Variants in LEO1 observed in about 807,000 individuals in gnomAD.
The protein encoded by LEO1 is RNA polymerase-associated protein LEO1.
In LEO1, 34 loss-of-function variants were observed where a neutral mutation model predicts 80.4. The ratio of observed to expected loss-of-function variants is 0.42; its 90% CI spans 0.32 to 0.56. The LOEUF (loss-of-function observed/expected upper bound fraction) is 0.56. Among genes scored for constraint, LEO1 ranks in the 20% least tolerant of loss-of-function variants. LEO1 has a pLI of 0.10. For synonymous variants in LEO1, 262 were observed against 274.9 expected, an observed-to-expected ratio of 0.95 and a Z score of 0.46; for missense variants, 631 against 814.2, an observed-to-expected ratio of 0.77 and a Z score of 2.74.
intron 3 of LEO1, among the ~76,000 whole-genome samples, chr15:51,961,325 C>T (rs2057028429): frequency 6.7e-6 from 1 of 149,414 alleles, no homozygotes; most frequent in South Asian, 2.1e-4. Flanking sequence ...CGGTAGAACT[C>T]CTTTCATCCT....
chr15:51,947,482 CAT>C, intron 10 of LEO1, 93 bp from the exon 11 acceptor site: 3 of 828,034 alleles, frequency 3.6e-6, no homozygotes, highest in Non-Finnish European at 5.9e-6. Flanking sequence ...GTGGCACAAT[CAT>C]GGCTCACTGC....
intron 6 of LEO1, 35 bp from the exon 7 acceptor site, chr15:51,954,610 G>C (rs1331427815): frequency 1.1e-5 from 15 of 1,381,416 alleles, no homozygotes; most frequent in Non-Finnish European, 1.5e-5. Context: ...GAAAATTATA[G>C]TTTAAATGAC....
intron 8 of LEO1, 131 bp from the exon 9 acceptor site, chr15:51,952,110 G>A (rs2056954089): frequency 3.1e-6 from 2 of 644,848 alleles, no homozygotes; most frequent in Non-Finnish European, 5.1e-6. Context: ...AGAGACACTC[G>A]ACTGAATATA....
At chr15:51,938,853 G>A (rs1364638033) in intron 11 of LEO1, among the ~76,000 whole-genome samples, 1 of 152,192 alleles carries the variant, frequency 6.6e-6, no homozygotes, top group Non-Finnish European at 1.5e-5. Context: ...GAACATGTCA[G>A]TATCTAAATA....
Position 51,949,948 on chromosome 15 carries a change from T to C in LEO1, c.1658A>G (p.Gln553Arg). 7 of 1,614,026 alleles carry C rather than the reference T, an allele frequency of 4.3e-6. No homozygotes were observed. Among genetic ancestry groups the C allele is most frequent in the Non-Finnish European group, 5.1e-6 (6 of 1,180,034 alleles). ...LRASIRRESQ[Q>R]RRMREKQHQR... is the part of the protein sequence containing the mutation. ...GTGCTGTTTCTCTCTCATTCGGCGCTGCTGAGATTCCCTACGTATGGAAGC... is the reference window on the plus strand; with the variant it reads ...GTGCTGTTTCTCTCTCATTCGGCGCCGCTGAGATTCCCTACGTATGGAAGC... The change falls in exon 10 of 12, where the codon CAG becomes CGG. Residue 553 changes from glutamine to arginine, a missense_variant. Physicochemically the swap from Gln to Arg is conservative, Grantham distance 43 (BLOSUM62 1). This residue lies in a region of LEO1 where 117 missense variants were observed against 163.5 expected (regional missense o/e 0.72). Coordinates refer to ENST00000299601, the MANE Select transcript of LEO1 (RefSeq NM_138792.4).
At chr15:51,962,276 T>C in intron 3 of LEO1, 113 bp downstream of exon 3, 3 of 633,726 alleles carry the variant, frequency 4.7e-6, no homozygotes, top group Non-Finnish European at 8.0e-6. Flanking sequence ...ATCCACACTC[T>C]TATTCTGTGG....
At chr15:51,952,412 A>T (rs1339825029) in intron 8 of LEO1, 1 of 152,068 alleles carries the variant, frequency 6.6e-6, no homozygotes, top group Non-Finnish European at 1.5e-5. Context: ...AAGTGGCACA[A>T]GGTCACACAA....
At chr15:51,950,591 G>C (rs538303920) in intron 9 of LEO1, among the ~76,000 whole-genome samples, 32 of 152,228 alleles carry the variant, frequency 2.1e-4, no homozygotes, top group Non-Finnish European at 3.8e-4. Context: ...GTTGGGGGTA[G>C]GGGTGGTGTT....
At chr15:51,957,940 G>A (rs1002434165) in intron 6 of LEO1, among the ~76,000 whole-genome samples, 32 of 152,048 alleles carry the variant, frequency 2.1e-4, no homozygotes, top group African/African-American at 7.7e-4. Flanking sequence ...AGAATCACTT[G>A]AACCCAGGAG....
At chr15:51,969,190 C>T (rs1174988591) in intron 1 of LEO1, among the ~76,000 whole-genome samples, 1 of 151,944 alleles carries the variant, frequency 6.6e-6, no homozygotes, top group Non-Finnish European at 1.5e-5. Context: ...AACTCCTGAC[C>T]TCAGGTGATC....
intron 9 of LEO1, among the ~76,000 whole-genome samples, chr15:51,951,426 G>A (rs188568426): frequency 9.2e-5 from 14 of 152,244 alleles, no homozygotes; most frequent in Admixed American, 2.0e-4. Context: ...TCATAAGCTC[G>A]TCTTATTCTT....
chr15:51,938,323 G>A (rs923573912), intron 11 of LEO1, 63 bp from the exon 12 acceptor site: 2 of 963,398 alleles, frequency 2.1e-6, no homozygotes, highest in Admixed American at 4.4e-5. Context: ...GATGGTTTAT[G>A]AAAAGTAGCT....
intron 2 of LEO1, 24 bp downstream of exon 2, chr15:51,965,725 T>G: frequency 6.3e-7 from 1 of 1,580,162 alleles, no homozygotes; most frequent in Non-Finnish European, 8.6e-7. Flanking sequence ...TTCTGAGCCA[T>G]TCTGGTTCTC....
At chr15:51,970,168 T>C (rs981408146) in intron 1 of LEO1, among the ~76,000 whole-genome samples, 1 of 152,194 alleles carries the variant, frequency 6.6e-6, no homozygotes, top group Non-Finnish European at 1.5e-5. Flanking sequence ...ATTTATTTAT[T>C]TTTTTGGAGA....
intron 11 of LEO1, among the ~76,000 whole-genome samples, chr15:51,945,369 CTG>C (rs2088053195): frequency 1.3e-5 from 2 of 151,646 alleles, no homozygotes; most frequent in African/African-American, 4.8e-5. Flanking sequence ...GCTTCAGCCT[CTG>C]TGCTTTCTTC....
At chr15:51,964,002 C>T (rs553417534) in intron 2 of LEO1, among the ~76,000 whole-genome samples, 1 of 151,416 alleles carries the variant, frequency 6.6e-6, no homozygotes, top group African/African-American at 2.4e-5. Context: ...GTCAGGAGAT[C>T]GAGACCATCC....
chr15:51,960,585 C>G, intron 4 of LEO1, 54 bp downstream of exon 4: 1 of 978,652 alleles, frequency 1.0e-6, no homozygotes, highest in Non-Finnish European at 1.7e-6. Flanking sequence ...AGACTCTTCA[C>G]CTTTGAAACT....
At chr15:51,966,653 G>A (rs1595947975) in intron 1 of LEO1, 149 bp from the exon 2 acceptor site, 1 of 562,076 alleles carries the variant, frequency 1.8e-6, no homozygotes. Context: ...GCTCACGCCT[G>A]TAATCCCAGC....
intron 1 of LEO1, among the ~76,000 whole-genome samples, chr15:51,967,245 G>A (rs541487246): frequency 6.6e-6 from 1 of 152,334 alleles, no homozygotes; most frequent in South Asian, 2.1e-4. Context: ...GGCCAAGGCG[G>A]GCAGATCACT....
Sources: gnomAD v4.1 joint callset for allele counts (sites outside exome capture counted in the v4.1 genomes callset) on GRCh38, gnomAD v4.1.1 for gene constraint, gnomAD v4.1.1 regional missense constraint, MANE v1.5 for transcripts, NCBI Gene and HGNC (gene_info 2026-07-23, HGNC 2026-07-21) for gene names.